CRTC3: variants seen among roughly 807,000 people sequenced by gnomAD.
CRTC3 encodes CREB-regulated transcription coactivator 3.
A neutral mutation model predicts 74.5 loss-of-function variants in CRTC3; 26 were observed. The ratio of observed to expected loss-of-function variants is 0.35; its 90% CI spans 0.26 to 0.48. The LOEUF (loss-of-function observed/expected upper bound fraction) is 0.48. Ranked by LOEUF, CRTC3 falls within the 20% of genes least tolerant of loss-of-function variation. The pLI, the probability that CRTC3 is intolerant of heterozygous loss-of-function variation, is 0.99. For missense variants in CRTC3, 760 were observed against 787.3 expected (o/e 0.97, Z 0.41); for synonymous variants, 377 against 325.8 (o/e 1.16, Z -1.69).
At chr15:90,587,423 A>G (rs151117654) in intron 2 of CRTC3, among the ~76,000 whole-genome samples, 176 of 152,302 alleles carry the variant, frequency 1.2e-3, no homozygotes, top group African/African-American at 4.0e-3. Flanking sequence ...TCCCCGGTCT[A>G]TCTAGCACTG....
intron 6 of CRTC3, among the ~76,000 whole-genome samples, chr15:90,612,605 C>T (rs1445700440): frequency 1.3e-5 from 2 of 151,886 alleles, no homozygotes; most frequent in Admixed American, 1.3e-4. Context: ...TGCTTCAGCA[C>T]GCCATACCAG....
intron 5 of CRTC3, chr15:90,606,869 C>T (rs1002283094): frequency 1.3e-5 from 2 of 152,314 alleles, no homozygotes; most frequent in Non-Finnish European, 2.9e-5. Context: ...GGAAGCCCGC[C>T]GTGCTTGGGA....
At chr15:90,556,978 A>C (rs1287663997) in intron 2 of CRTC3, among the ~76,000 whole-genome samples, 1 of 142,266 alleles carries the variant, frequency 7.0e-6, no homozygotes, top group African/African-American at 2.6e-5. Flanking sequence ...ATATATATAT[A>C]TATATATATA....
At chr15:90,545,154 G>A (rs571419005) in intron 2 of CRTC3, among the ~76,000 whole-genome samples, 2 of 152,236 alleles carry the variant, frequency 1.3e-5, no homozygotes, top group South Asian at 4.1e-4. Flanking sequence ...GGGTTCACCC[G>A]TGTTATAGTC....
chr15:90,629,360 G>A lies in CRTC3; in HGVS notation c.1094G>A (p.Arg365His), dbSNP rs764022782. 17 of 1,613,690 alleles carry A rather than the reference G, an allele frequency of 1.1e-5. No individual in the cohort carries two copies. Among genetic ancestry groups the A allele is most frequent in the African/African-American group, 5.3e-5 (4 of 74,788 alleles). ...GCATCTGCTCTTCACCCTTCGCTCCGTCTGTTTTCCCTTAGCAACCCATCT... is the reference window on the plus strand; with the variant it reads ...GCATCTGCTCTTCACCCTTCGCTCCATCTGTTTTCCCTTAGCAACCCATCT... ...PNASALHPSLRLFSLSNPSLS... is the reference protein window; with the variant it reads ...PNASALHPSLHLFSLSNPSLS... The change falls in exon 11 of 15, where the codon CGT (arginine) becomes CAT (histidine). Residue 365 changes from arginine (R) to histidine (H), a missense_variant. Arg to His is a conservative substitution (Grantham distance 29). Around this residue, in one of 2 missense-constraint regions of CRTC3, gnomAD observed 652 missense variants for 635.2 expected, o/e 1.03. Coordinates refer to ENST00000268184, the MANE Select transcript of CRTC3 (RefSeq NM_022769.5).
At position 90,638,749 on chromosome 15, in the gene CRTC3, C is replaced by T; in HGVS notation, c.1482C>T (p.Thr494=). ...QLLPAQGSSL[T]NFFPDVGFDQ... ...ATTCCCTGAAGGGCTCATCTTTGAC[C>T]AACTTCTTCCCAGATGTGGGTTTTG... Residue 494 remains threonine (T), a synonymous_variant, in exon 13 of 15, where the codon ACC becomes ACT. Coordinates refer to ENST00000268184, the MANE Select transcript of CRTC3 (RefSeq NM_022769.5). 1 of 1,614,120 alleles carries T rather than the reference C, an allele frequency of 6.2e-7. No individual in the cohort carries two copies. Among genetic ancestry groups the T allele is most frequent in the Non-Finnish European group, 8.5e-7 (1 of 1,180,002 alleles).
At chr15:90,624,607 C>G (rs922695346) in intron 9 of CRTC3, among the ~76,000 whole-genome samples, 12 of 152,232 alleles carry the variant, frequency 7.9e-5, no homozygotes, top group African/African-American at 2.9e-4. Flanking sequence ...ATGGACAACT[C>G]CTGCTTTTTT....
rs576026641 is a variant in CRTC3 at position 90,605,181 on chromosome 15, G to C, written c.476+734G>C. ...GTGGGGAGGATCACCTAAGCCCAAG[G>C]AGGTTGAGGCTGCAGTGAGCCATGT... On this transcript the variant is annotated intron_variant, in intron 5 of 14. Transcript: ENST00000268184. 9.2e-5 allele frequency among the ~76,000 whole-genome samples: 14 copies of C among 152,198 alleles called. No homozygotes were observed. In the East Asian group the frequency reaches 2.5e-3, roughly 27 times the overall value.
intron 2 of CRTC3, among the ~76,000 whole-genome samples, chr15:90,546,802 T>C (rs1966844965): frequency 6.6e-6 from 1 of 152,138 alleles, no homozygotes; most frequent in Non-Finnish European, 1.5e-5. Context: ...TTTCTGTATT[T>C]GTATTAGAGA....
Position 90,625,982 on chromosome 15 carries a change from G to T in CRTC3, c.956G>T (p.Arg319Ile), listed in dbSNP as rs747884676. 1 of 1,614,082 alleles carries T rather than the reference G, an allele frequency of 6.2e-7. No individual in the cohort carries two copies. Among genetic ancestry groups the T allele is most frequent in the South Asian group, 1.1e-5 (1 of 91,086 alleles). Reference sequence around the variant, plus strand: ...GCTGCTATGACCCACCTGGGTATAAGAAGCTCCTCTGGTGAGTATCTCCTG... The same window carrying T: ...GCTGCTATGACCCACCTGGGTATAATAAGCTCCTCTGGTGAGTATCTCCTG... The part of the protein sequence containing the change: ...IPAAMTHLGI[R>I]SSSGLQSSRS... Residue 319 changes from arginine to isoleucine, a missense_variant, in exon 10 of 15, where the codon AGA (arginine) becomes ATA (isoleucine). Transcript: ENST00000268184.
At chr15:90,633,920 TTC>T (rs781472456) in intron 11 of CRTC3, among the ~76,000 whole-genome samples, 1 of 152,092 alleles carries the variant, frequency 6.6e-6, no homozygotes, top group African/African-American at 2.4e-5. Context: ...TTCTTTTTTG[TTC>T]TCTGAGTGTT....
chr15:90,625,742 T>C, intron 9 of CRTC3, 34 bp from the exon 10 acceptor site: 1 of 1,574,172 alleles, frequency 6.4e-7, no homozygotes, highest in East Asian at 2.2e-5. Context: ...CCAAATACAT[T>C]GTAGAAAGTC....
At chr15:90,583,788 G>A (rs1219899327) in intron 2 of CRTC3, among the ~76,000 whole-genome samples, 3 of 152,166 alleles carry the variant, frequency 2.0e-5, no homozygotes, top group Admixed American at 6.5e-5. Flanking sequence ...GCTGGGTGCT[G>A]GCAGGTCTGA....
intron 9 of CRTC3, among the ~76,000 whole-genome samples, chr15:90,620,970 A>G (rs981835985): frequency 1.3e-5 from 2 of 152,132 alleles, no homozygotes; most frequent in Non-Finnish European, 2.9e-5. Flanking sequence ...ACGTAAACTC[A>G]GGTGATTTGC....
At chr15:90,604,364 A>G (rs1217449866) in intron 4 of CRTC3, 21 bp from the exon 5 acceptor site, 5 of 1,607,972 alleles carry the variant, frequency 3.1e-6, no homozygotes, top group East Asian at 2.2e-5. Context: ...TTTTCCTTTT[A>G]TGTTGTTCTG....
intron 2 of CRTC3, among the ~76,000 whole-genome samples, chr15:90,575,565 T>A (rs1274019302): frequency 6.6e-6 from 1 of 152,262 alleles, no homozygotes; most frequent in Non-Finnish European, 1.5e-5. Context: ...ACACTATTTA[T>A]GAATAATCAT....
chr15:90,593,408 C>T (rs955367937), intron 2 of CRTC3, among the ~76,000 whole-genome samples: 1 of 152,156 alleles, frequency 6.6e-6, no homozygotes, highest in Admixed American at 6.5e-5. Context: ...TTTTATTATT[C>T]TTTCAGCTTT....
At chr15:90,578,273 ACAGTGGCTCAGCCCTGTAATCC>A (rs1301367388) in intron 2 of CRTC3, among the ~76,000 whole-genome samples, 1 of 152,094 alleles carries the variant, frequency 6.6e-6, no homozygotes, top group African/African-American at 2.4e-5. Context: ...TGGGCTGGGC[ACAGTGGCTCAGCCCTGTAATCC>A]CAGCACTTTG....
At chr15:90,637,645 T>C (rs1020126926) in intron 11 of CRTC3, among the ~76,000 whole-genome samples, 2 of 152,198 alleles carry the variant, frequency 1.3e-5, no homozygotes, top group South Asian at 2.1e-4. Flanking sequence ...TTTTATTATC[T>C]CGAAAGTAGA....
Sources: allele counts gnomAD v4.1 joint callset (sites outside exome capture counted in the v4.1 genomes callset), GRCh38; gene constraint gnomAD v4.1.1; regional missense constraint gnomAD v4.1.1; transcripts MANE v1.5; gene names NCBI Gene and HGNC (gene_info 2026-07-23, HGNC 2026-07-21).